SERPINB8: variants seen among roughly 807,000 people sequenced by gnomAD.
SERPINB8 encodes serpin B8.
In SERPINB8, 25 loss-of-function variants were observed where a neutral mutation model predicts 35.3. The ratio of observed to expected loss-of-function variants is 0.71; its 90% confidence interval spans 0.52 to 0.99. SERPINB8 has a LOEUF of 0.99. SERPINB8 is among the 50% of genes least tolerant of loss of function. The pLI is 0.00. For missense variants in SERPINB8, 484 were observed against 446.5 expected, an observed-to-expected ratio of 1.08 and a Z score of -0.76; for synonymous variants, 186 against 160.8, an observed-to-expected ratio of 1.16 and a Z score of -1.19.
intron 7 of SERPINB8, among the ~76,000 whole-genome samples, chr18:64,011,054 G>A (rs940281091): frequency 6.6e-6 from 1 of 151,884 alleles, no homozygotes; most frequent in African/African-American, 2.4e-5. Flanking sequence ...GGTATAAAAT[G>A]ATGTGACAAG....
intron 1 of SERPINB8, among the ~76,000 whole-genome samples, chr18:64,004,584 CTATG>C (rs1287920996): frequency 6.6e-6 from 1 of 151,980 alleles, no homozygotes; most frequent in Non-Finnish European, 1.5e-5. Flanking sequence ...CTTTTAAGAG[CTATG>C]TATATTATTT....
At chr18:63,986,381 C>A in intron 6 of SERPINB8, 1 of 1,557,514 alleles carries the variant, frequency 6.4e-7, no homozygotes, top group South Asian at 1.3e-5. Flanking sequence ...TCATGCCTCC[C>A]TTCATCTTCA....
chr18:63,996,744 A>G (rs2050851558), intron 1 of SERPINB8, among the ~76,000 whole-genome samples: 1 of 152,220 alleles, frequency 6.6e-6, no homozygotes. Context: ...AGAGACCCCA[A>G]GTGAATTTCC....
intron 7 of SERPINB8, among the ~76,000 whole-genome samples, chr18:64,011,634 G>A (rs961010285): frequency 3.9e-5 from 6 of 152,232 alleles, no homozygotes; most frequent in African/African-American, 1.2e-4. Context: ...TATTTGTTGA[G>A]TAGAGCTGCC....
At position 64,013,087 on chromosome 18, in the gene SERPINB8, AT is replaced by A. The variant is rs367620103; in HGVS notation, c.*3-5813del. ...GAATTACTTTCCAAAGAAGTTCACA[AT>A]TTTTTTTTTCTTTAGGGAGTAATTC... On this transcript the variant is annotated intron_variant, in intron 7 of 7. Transcript: ENST00000636430. 9.2e-3 allele frequency among the ~76,000 whole-genome samples: 1,388 copies of A among 150,630 alleles called. 21 individuals carry two copies. The highest frequency in any genetic ancestry group is 0.032 in the African/African-American group (1,295 of 41,110).
chr18:64,012,052 T>C lies in SERPINB8; in HGVS notation c.*3-6858T>C, dbSNP rs952867313. On this transcript the variant is annotated intron_variant, in intron 7 of 7. Transcript: ENST00000636430. ...AATATTGGGGTGAAAAATGAGCATATATGACCTTAAGACCCGTAACTATTT... is the reference window on the plus strand; with the variant it reads ...AATATTGGGGTGAAAAATGAGCATACATGACCTTAAGACCCGTAACTATTT... 7.2e-5 allele frequency among the ~76,000 whole-genome samples: 11 copies of C among 152,282 alleles called. No homozygotes were observed. In the South Asian group the frequency reaches 1.9e-3, roughly 26 times the overall value.
At chr18:64,018,976 T>C (rs1555660306) in exon 8 of SERPINB8, 1 of 152,158 alleles carries the variant, frequency 6.6e-6, no homozygotes, top group Non-Finnish European at 1.5e-5. Flanking sequence ...GCGGCCCAGA[T>C]GCATGAGTGC....
rs2050783057 is a variant in SERPINB8, at chr18:63,987,629, T to A, written c.*351T>A. The A allele has an allele frequency of 4.6e-6, 1 of 215,872 alleles. No homozygotes were observed. The highest frequency in any genetic ancestry group is 9.2e-6 in the Non-Finnish European group (1 of 108,112). 13.4% of individuals were successfully genotyped at this position (215,872 alleles called of 1,614,324 possible). On this transcript the variant is annotated 3_prime_UTR_variant, in exon 7 of 7. Coordinates refer to ENST00000397985, the MANE Select transcript of SERPINB8 (RefSeq NM_002640.4). ...TCCGCCCGGCTCTGCCCACCACCAC[T>A]GCCAGGCTGAACAGGGGACTAGTGC...
intron 1 of SERPINB8, among the ~76,000 whole-genome samples, chr18:63,973,863 A>G (rs947570217): frequency 2.0e-5 from 3 of 152,236 alleles, no homozygotes; most frequent in African/African-American, 7.2e-5. Flanking sequence ...TTTTGGTACC[A>G]GTACCATGCT....
intron 3 of SERPINB8, among the ~76,000 whole-genome samples, chr18:63,980,275 G>A (rs1011568219): frequency 6.6e-6 from 1 of 152,134 alleles, no homozygotes; most frequent in African/African-American, 2.4e-5. Context: ...TCCTGCTGAG[G>A]TAGCCTCTCA....
chr18:63,979,402 G>A (rs1275781164), intron 2 of SERPINB8, among the ~76,000 whole-genome samples: 3 of 152,046 alleles, frequency 2.0e-5, no homozygotes, highest in Non-Finnish European at 2.9e-5. Context: ...CTGAATTATC[G>A]CACACTGCCT....
At chr18:63,993,415 A>G (rs1255775123), downstream of SERPINB8, among the ~76,000 whole-genome samples, 1 of 152,236 alleles carries the variant, frequency 6.6e-6, no homozygotes, top group East Asian at 1.9e-4. Flanking sequence ...GTCAGATAAC[A>G]TGTTTTTAAT....
chr18:64,005,850 T>TTTC (rs2050897594), downstream of SERPINB8, among the ~76,000 whole-genome samples: 3 of 152,122 alleles, frequency 2.0e-5, no homozygotes, highest in Admixed American at 2.0e-4. Context: ...ACATGTGGGT[T>TTTC]TTCTACTTGG....
At chr18:63,999,869 C>T (rs2050866291) in intron 1 of SERPINB8, among the ~76,000 whole-genome samples, 1 of 152,188 alleles carries the variant, frequency 6.6e-6, no homozygotes, top group East Asian at 1.9e-4. Flanking sequence ...GCACTGCTGA[C>T]CCTCTTTGCT....
At chr18:63,995,624 T>C (rs2050845480) in intron 1 of SERPINB8, among the ~76,000 whole-genome samples, 1 of 152,180 alleles carries the variant, frequency 6.6e-6, no homozygotes, top group South Asian at 2.1e-4. Flanking sequence ...CTTAGGGTCA[T>C]CTTAGTGGGA....
chr18:63,972,882 G>A (rs945337434), intron 1 of SERPINB8, among the ~76,000 whole-genome samples: 7 of 151,894 alleles, frequency 4.6e-5, no homozygotes, highest in African/African-American at 1.7e-4. Context: ...TCTTAATCCA[G>A]TCTATCATTG....
chr18:63,994,672 G>A (rs2050840239), intron 1 of SERPINB8, among the ~76,000 whole-genome samples: 1 of 152,136 alleles, frequency 6.6e-6, no homozygotes, highest in African/African-American at 2.4e-5. Context: ...CAAGACCCAT[G>A]CCATTGAAAA....
chr18:64,006,295 T>C (rs2050899642), downstream of SERPINB8, among the ~76,000 whole-genome samples: 1 of 152,212 alleles, frequency 6.6e-6, no homozygotes, highest in African/African-American at 2.4e-5. Flanking sequence ...CCAAGTGTTA[T>C]GGATTGAATG....
Position 63,986,930 on chromosome 18 carries a change from G to A in SERPINB8, c.777G>A (p.Leu259=). The A allele has an allele frequency of 6.2e-7, 1 of 1,613,692 alleles. No individual in the cohort carries two copies. The highest frequency in any genetic ancestry group is 8.5e-7 in the Non-Finnish European group (1 of 1,179,932). The change falls in exon 7 of 7, where the codon TTG becomes TTA. Residue 259 remains leucine (L), a synonymous_variant. Coordinates refer to ENST00000397985, the MANE Select transcript of SERPINB8 (RefSeq NM_002640.4). ...AAGCCTGGACAAATTCAGAAAAGTT[G>A]ACAAAAAGTAAGGTTCAAGTTTTCC... is the stretch of plus-strand genomic sequence containing the variant. ...KFKAWTNSEK[L]TKSKVQVFLP...
Sources: allele counts gnomAD v4.1 joint callset (sites outside exome capture counted in the v4.1 genomes callset), GRCh38; gene constraint gnomAD v4.1.1; transcripts MANE v1.5; gene names NCBI Gene and HGNC (gene_info 2026-07-23, HGNC 2026-07-21).